The following NBAS variants were observed in gnomAD, a reference collection of about 807,000 sequenced individuals.
The protein encoded by NBAS is NAG/BC035112 fusion.
NBAS carries 219 observed loss-of-function variants against 302.5 expected under a neutral mutation model. That is an observed-to-expected ratio of 0.72 (90% CI 0.65 to 0.81). The LOEUF (loss-of-function observed/expected upper bound fraction) is 0.81, where lower values mean the gene tolerates loss of function less well. Ranked by LOEUF, NBAS falls within the 30% of genes least tolerant of loss-of-function variation. The pLI is 0.00. For missense variants in NBAS, 2,932 were observed against 2,841.6 expected (o/e 1.03, Z -0.72); for synonymous variants, 1,118 against 1,021.6 (o/e 1.09, Z -1.80).
At chr2:14,844,934 C>A in the NBAS span, among the ~76,000 whole-genome samples, 2 of 152,180 alleles carry the variant, frequency 1.3e-5, no homozygotes, top group African/African-American at 4.8e-5. Context: ...TCTGTCCCAG[C>A]CCCCAAATGG....
Position 15,178,314 on chromosome 2 carries a change from C to T in NBAS, c.6840+674G>A, listed in dbSNP as rs1277493363. The stretch of plus-strand genomic sequence containing the variant: ...TACACTTCAAATGAAAGAATGATCT[C>T]CACACAAAAGGGCTTCAGTAAGGAT... On this transcript the variant is annotated intron_variant, in intron 51 of 51. Transcript: ENST00000281513. Among the ~76,000 whole-genome samples, 4 of 152,058 alleles carry T rather than the reference C, an allele frequency of 2.6e-5. No individual in the cohort carries two copies. The South Asian group carries it at 8.3e-4, about 32-fold the overall frequency.
chr2:15,199,718 A>G (rs939532539), intron 48 of NBAS, among the ~76,000 whole-genome samples: 5 of 152,024 alleles, frequency 3.3e-5, no homozygotes. Flanking sequence ...TTAAGACTTG[A>G]TTTTTTCCTC....
chr2:15,426,944 T>C (rs1677509531), intron 22 of NBAS, among the ~76,000 whole-genome samples: 1 of 152,168 alleles, frequency 6.6e-6, no homozygotes, highest in Non-Finnish European at 1.5e-5. Context: ...AAGAACTCTC[T>C]AAACTTCTAC....
intron 48 of NBAS, among the ~76,000 whole-genome samples, chr2:15,202,021 A>C (rs1407096109): frequency 6.6e-6 from 1 of 152,212 alleles, no homozygotes; most frequent in Non-Finnish European, 1.5e-5. Context: ...TTCTTTTCAA[A>C]GGAAGAGTAG....
At chr2:15,549,212 G>C (rs746811396) in intron 6 of NBAS, among the ~76,000 whole-genome samples, 1 of 151,994 alleles carries the variant, frequency 6.6e-6, no homozygotes, top group African/African-American at 2.4e-5. Context: ...TAACTTGCCC[G>C]AGGTTACCAG....
chr2:15,271,486 G>C (rs187535775), intron 44 of NBAS, among the ~76,000 whole-genome samples: 24 of 152,272 alleles, frequency 1.6e-4, no homozygotes, highest in Admixed American at 1.2e-3. Flanking sequence ...CGTGCAAGGT[G>C]GGGGAAAGGG....
chr2:15,113,510 G>A, the NBAS span, among the ~76,000 whole-genome samples: 4 of 152,014 alleles, frequency 2.6e-5, no homozygotes, highest in South Asian at 8.3e-4. Context: ...AAAAATTCTG[G>A]TACGAGAGAG....
the NBAS span, among the ~76,000 whole-genome samples, chr2:14,845,989 T>C: frequency 6.6e-6 from 1 of 152,140 alleles, no homozygotes; most frequent in Admixed American, 6.5e-5. Flanking sequence ...AGAAAGTTTA[T>C]TCAAAGCGAT....
the NBAS span, among the ~76,000 whole-genome samples, chr2:14,920,220 T>C: frequency 1.3e-5 from 2 of 152,190 alleles, no homozygotes; most frequent in South Asian, 2.1e-4. Context: ...TCTAGGTACA[T>C]TGTCAATGAG....
intron 12 of NBAS, among the ~76,000 whole-genome samples, chr2:15,484,686 T>C (rs2287260): frequency 0.51 from 77,251 of 152,072 alleles, 23,062 homozygotes; most frequent in Non-Finnish European, 0.67. Context: ...ATGCCTTTCC[T>C]GAGCTTATCT....
chr2:15,320,175 A>C (rs1671729389), intron 38 of NBAS, among the ~76,000 whole-genome samples: 1 of 152,216 alleles, frequency 6.6e-6, no homozygotes, highest in South Asian at 2.1e-4. Flanking sequence ...GATGCAGAAA[A>C]GGCCTTCGAC....
the NBAS span, among the ~76,000 whole-genome samples, chr2:15,130,507 C>T: frequency 8.7e-4 from 132 of 152,310 alleles, no homozygotes; most frequent in African/African-American, 3.0e-3. Context: ...GCACTTTGGC[C>T]GAGCCTGTCT....
chr2:14,953,265 T>C, the NBAS span, among the ~76,000 whole-genome samples: 2 of 151,928 alleles, frequency 1.3e-5, no homozygotes, highest in South Asian at 4.1e-4. Flanking sequence ...TGGTGAACTG[T>C]ATCAGGGAGG....
intron 32 of NBAS, among the ~76,000 whole-genome samples, chr2:15,360,040 C>T (rs1184101853): frequency 6.6e-6 from 1 of 151,970 alleles, no homozygotes; most frequent in African/African-American, 2.4e-5. Flanking sequence ...AACTGGAATG[C>T]AATGGTAAGA....
At chr2:15,328,953 G>A (rs1196109070) in intron 36 of NBAS, among the ~76,000 whole-genome samples, 2 of 152,096 alleles carry the variant, frequency 1.3e-5, no homozygotes, top group Admixed American at 1.3e-4. Flanking sequence ...CTGAATCCTT[G>A]ACAGATGGAT....
the NBAS span, among the ~76,000 whole-genome samples, chr2:14,787,116 C>G: frequency 1.2e-4 from 18 of 152,226 alleles, no homozygotes; most frequent in African/African-American, 2.2e-4. Context: ...GGTTTAAAGT[C>G]TGTTTTATCA....
intron 15 of NBAS, among the ~76,000 whole-genome samples, chr2:15,473,606 A>G (rs1418750600): frequency 1.1e-4 from 17 of 152,144 alleles, no homozygotes; most frequent in African/African-American, 4.1e-4. Flanking sequence ...AACCAAGACA[A>G]CCATGGAACA....
At chr2:14,907,579 A>G in the NBAS span, 1 of 152,222 alleles carries the variant, frequency 6.6e-6, no homozygotes, top group Non-Finnish European at 1.5e-5. Flanking sequence ...CTACCTTCCA[A>G]GTTTCCTTCT....
chr2:15,068,714 C>T, the NBAS span, among the ~76,000 whole-genome samples: 2 of 152,340 alleles, frequency 1.3e-5, no homozygotes, highest in African/African-American at 4.8e-5. Context: ...CTTGCCCTGG[C>T]AGCACCATCC....
Sources: gnomAD v4.1 joint callset for allele counts (sites outside exome capture counted in the v4.1 genomes callset) on GRCh38, gnomAD v4.1.1 for gene constraint, MANE v1.5 for transcripts, NCBI Gene and HGNC (gene_info 2026-07-23, HGNC 2026-07-21) for gene names.